Variants in PPP3R1 observed in about 807,000 individuals in gnomAD.
PPP3R1 encodes calcineurin subunit B type 1.
Under a neutral mutation model 22.6 loss-of-function variants are expected in PPP3R1, and 5 were observed. The observed-to-expected ratio is 0.22, with a 90% confidence interval of 0.12 to 0.46. The LOEUF is 0.46. Among genes scored for constraint, PPP3R1 ranks in the 20% least tolerant of loss-of-function variants. PPP3R1 has a pLI of 0.99. For missense variants in PPP3R1, 61 were observed against 203.2 expected (o/e 0.30, Z 4.25); for synonymous variants, 56 against 65.2 (o/e 0.86, Z 0.68).
rs1044463374 is a variant in PPP3R1 at position 68,229,948 on chromosome 2, A to ATG, written c.4-12819_4-12818dup. 3.5e-5 allele frequency among the ~76,000 whole-genome samples: 5 copies of ATG among 144,778 alleles called. No homozygotes were observed. The East Asian group carries it at 6.2e-4, about 18-fold the overall frequency. The allele number at this position is 144,778 out of a possible 152,430, so 95.0% of individuals were successfully genotyped here. On this transcript the variant is annotated intron_variant, in intron 1 of 5. Transcript: ENST00000234310. ...TATATGTGTGTGTATGTGTGTATAT[A>ATG]TGTGTGTGTGTATATATACACACAT...
intron 2 of PPP3R1, among the ~76,000 whole-genome samples, chr2:68,205,019 GT>G (rs1214100469): frequency 1.1e-4 from 17 of 151,900 alleles, no homozygotes; most frequent in Admixed American, 1.1e-3. Context: ...TTTATTCTTG[GT>G]TACTTCCTTC....
chr2:68,187,265 C>A lies in PPP3R1; in HGVS notation c.270G>T (p.Gln90His). ...AAGAAAAATACTTACACCTCAATTT[C>A]TGCTCCTTATCTCCTTTGACACTGA... is the stretch of plus-strand genomic sequence containing the variant. ...SQFSVKGDKE[Q>H]KLRFAFRIYD... is the part of the protein sequence containing the mutation. The change falls in exon 4 of 6, where the codon CAG (glutamine) becomes CAT (histidine). Residue 90 changes from glutamine (Q) to histidine (H), a missense_variant. Physicochemically the swap from Gln to His is conservative, Grantham distance 24. Coordinates refer to ENST00000234310, the MANE Select transcript of PPP3R1 (RefSeq NM_000945.4). 1 of 1,609,154 alleles carries A rather than the reference C, an allele frequency of 6.2e-7. No individual in the cohort carries two copies. The highest frequency in any genetic ancestry group is 8.5e-7 in the Non-Finnish European group (1 of 1,176,978).
intron 1 of PPP3R1, among the ~76,000 whole-genome samples, chr2:68,236,129 T>C (rs944913251): frequency 6.6e-6 from 1 of 152,234 alleles, no homozygotes; most frequent in African/African-American, 2.4e-5. Context: ...TTTCTGAGAA[T>C]TGTCTTATTT....
chr2:68,198,906 C>T (rs765910287), intron 2 of PPP3R1, among the ~76,000 whole-genome samples: 1 of 152,124 alleles, frequency 6.6e-6, no homozygotes, highest in Non-Finnish European at 1.5e-5. Flanking sequence ...TAAACTTATA[C>T]CTGAGTATTT....
chr2:68,192,731 C>G (rs1484730856), intron 2 of PPP3R1, among the ~76,000 whole-genome samples: 1 of 152,126 alleles, frequency 6.6e-6, no homozygotes, highest in Non-Finnish European at 1.5e-5. Flanking sequence ...GCAAATTCAG[C>G]CAAACGGCTA....
chr2:68,198,181 A>G (rs1245917293), intron 2 of PPP3R1, among the ~76,000 whole-genome samples: 3 of 144,850 alleles, frequency 2.1e-5, no homozygotes, highest in African/African-American at 7.7e-5. Context: ...ATACATGTAT[A>G]TATAATATAT....
At chr2:68,232,392 G>A (rs1669934811) in intron 1 of PPP3R1, among the ~76,000 whole-genome samples, 1 of 147,456 alleles carries the variant, frequency 6.8e-6, no homozygotes, top group Non-Finnish European at 1.5e-5. Context: ...AGTGAGCCAA[G>A]ATCACACCAC....
intron 1 of PPP3R1, among the ~76,000 whole-genome samples, chr2:68,244,528 C>G (rs1024240808): frequency 6.6e-6 from 1 of 152,098 alleles, no homozygotes; most frequent in Non-Finnish European, 1.5e-5. Flanking sequence ...TTGCCATGGC[C>G]TATTTCTCTT....
intron 1 of PPP3R1, among the ~76,000 whole-genome samples, chr2:68,224,490 G>A (rs572408744): frequency 2.1e-4 from 32 of 151,962 alleles, no homozygotes; most frequent in Non-Finnish European, 4.3e-4. Flanking sequence ...GTGAAACCCT[G>A]TCTCTACTGA....
chr2:68,198,091 CATATATATGTAAACATATATATGTAA>C (rs1674835465), intron 2 of PPP3R1, among the ~76,000 whole-genome samples: 117 of 49,894 alleles, frequency 2.3e-3, no homozygotes, highest in Non-Finnish European at 3.9e-3. Context: ...AAAAAAAAAG[CATATATATGTAAACATATATATGTAA>C]ATATATATGT....
intron 1 of PPP3R1, among the ~76,000 whole-genome samples, chr2:68,226,442 T>C (rs559339222): frequency 3.9e-4 from 60 of 152,306 alleles, no homozygotes; most frequent in African/African-American, 1.4e-3. Context: ...CTCATCACTT[T>C]CTTTAAAACA....
chr2:68,229,697 T>C (rs1453323213), intron 1 of PPP3R1, among the ~76,000 whole-genome samples: 1 of 152,178 alleles, frequency 6.6e-6, no homozygotes, highest in African/African-American at 2.4e-5. Context: ...TAATATTAAA[T>C]ATAACCATAC....
At chr2:68,182,178 G>T (rs1346954724) in intron 5 of PPP3R1, among the ~76,000 whole-genome samples, 1 of 146,436 alleles carries the variant, frequency 6.8e-6, no homozygotes, top group Admixed American at 7.3e-5. Flanking sequence ...TCAATTTTAT[G>T]CTTGTGAGAT....
chr2:68,240,586 T>A (rs111404757), intron 1 of PPP3R1, among the ~76,000 whole-genome samples: 3,864 of 152,276 alleles, frequency 0.025, 146 homozygotes, highest in African/African-American at 0.085. Context: ...GAACATGACC[T>A]GACCTGCTCT....
chr2:68,252,140 G>GTCGGCGGC lies in PPP3R1; in HGVS notation c.-21_-14dup, dbSNP rs769173161. The GTCGGCGGC allele has an allele frequency of 7.0e-7, 1 of 1,435,730 alleles. No homozygotes were observed. The highest frequency in any genetic ancestry group is 9.3e-7 in the Non-Finnish European group (1 of 1,074,524). 88.9% of individuals were successfully genotyped at this position (1,435,730 alleles called of 1,614,324 possible). ...AAGGTCTCACCATTTTGCTCGGCGG[G>GTCGGCGGC]TCGGCGGCTCGCTGGCTCGCTGGCT... is the stretch of plus-strand genomic sequence containing the variant. On this transcript the variant is annotated 5_prime_UTR_variant, in exon 1 of 6. Transcript: ENST00000234310.
chr2:68,198,060 GGCAAAA>G (rs1323669617), intron 2 of PPP3R1, among the ~76,000 whole-genome samples: 2 of 34,278 alleles, frequency 5.8e-5, no homozygotes, highest in African/African-American at 3.1e-4. Context: ...CGGCACCTTT[GGCAAAA>G]AAAAAAAAAA....
At chr2:68,208,391 G>T (rs1669381126) in intron 2 of PPP3R1, among the ~76,000 whole-genome samples, 1 of 152,152 alleles carries the variant, frequency 6.6e-6, no homozygotes, top group Non-Finnish European at 1.5e-5. Context: ...TGACCATACG[G>T]TCTCTGTTGC....
At chr2:68,195,167 T>C (rs190510730) in intron 2 of PPP3R1, among the ~76,000 whole-genome samples, 7 of 152,294 alleles carry the variant, frequency 4.6e-5, no homozygotes, top group Non-Finnish European at 1.0e-4. Context: ...AACTCTATTA[T>C]CTTTGTAACT....
chr2:68,202,586 G>A (rs1437674825), intron 2 of PPP3R1, among the ~76,000 whole-genome samples: 4 of 151,652 alleles, frequency 2.6e-5, no homozygotes, highest in Non-Finnish European at 4.4e-5. Flanking sequence ...AACCATGCCC[G>A]GCTAATTTTT....
Sources: gnomAD v4.1 joint callset for allele counts (sites outside exome capture counted in the v4.1 genomes callset) on GRCh38, gnomAD v4.1.1 for gene constraint, MANE v1.5 for transcripts, NCBI Gene and HGNC (gene_info 2026-07-23, HGNC 2026-07-21) for gene names.